Variants in TMEM181 observed in about 807,000 individuals in gnomAD.
TMEM181 encodes G protein-coupled receptor 178.
Under a neutral mutation model 71.9 loss-of-function variants are expected in TMEM181, and 39 were observed. The observed-to-expected ratio is 0.54, with a 90% confidence interval of 0.42 to 0.71. The LOEUF (loss-of-function observed/expected upper bound fraction) is 0.71. TMEM181 is among the 30% of genes least tolerant of loss of function. The probability of loss-of-function intolerance (pLI) is 0.00; values close to 1 mark genes in which losing one functional copy is unlikely to be tolerated. For missense variants in TMEM181, 595 were observed against 583.0 expected (o/e 1.02, Z -0.21); for synonymous variants, 245 against 228.8 (o/e 1.07, Z -0.64).
At chr6:158,607,056 T>C (rs1317269397) in intron 7 of TMEM181, among the ~76,000 whole-genome samples, 188 bp from the exon 8 acceptor site, 1 of 152,208 alleles carries the variant, frequency 6.6e-6, no homozygotes, top group Admixed American at 6.5e-5. Flanking sequence ...AACAACCTTG[T>C]CTTGGTTGTC....
intron 1 of TMEM181, among the ~76,000 whole-genome samples, chr6:158,548,483 T>A (rs1338084433): frequency 2.0e-5 from 3 of 152,204 alleles, no homozygotes; most frequent in Admixed American, 2.0e-4. Flanking sequence ...GGACAGGGAC[T>A]TTCAGTGCTC....
At chr6:158,611,083 G>A in intron 10 of TMEM181, 1 of 482,400 alleles carries the variant, frequency 2.1e-6, no homozygotes, top group Non-Finnish European at 4.1e-6. Flanking sequence ...GAGAGCATTT[G>A]TCAGTGACTG....
At chr6:158,571,053 C>G (rs1374035243) in intron 1 of TMEM181, among the ~76,000 whole-genome samples, 5 of 151,052 alleles carry the variant, frequency 3.3e-5, no homozygotes, top group African/African-American at 1.2e-4. Context: ...GCTGAGATTA[C>G]AGGCATGTGC....
chr6:158,562,995 A>G (rs753917781), intron 1 of TMEM181, among the ~76,000 whole-genome samples: 26 of 152,072 alleles, frequency 1.7e-4, no homozygotes, highest in Non-Finnish European at 3.5e-4. Context: ...TAGAGCCCAC[A>G]CTCCTGACTG....
At chr6:158,601,366 T>C (rs1264135259) in intron 6 of TMEM181, among the ~76,000 whole-genome samples, 2 of 151,796 alleles carry the variant, frequency 1.3e-5, no homozygotes, top group East Asian at 3.9e-4. Context: ...CTGACCAACA[T>C]AGTGAAACTT....
In TMEM181 at chr6:158,620,948, C is replaced by T. The variant is rs948606349; in HGVS notation, c.897-2602C>T. 2.6e-5 allele frequency among the ~76,000 whole-genome samples: 4 copies of T among 152,292 alleles called. No homozygotes were observed. Among genetic ancestry groups the T allele is most frequent in the South Asian group, 2.1e-4 (1 of 4,822 alleles). On this transcript the variant is annotated intron_variant, in intron 10 of 16. Coordinates refer to ENST00000684151, the MANE Select transcript of TMEM181 (RefSeq NM_001376852.1). The surrounding 1 kb of genome is among the most constrained non-coding windows in gnomAD (Gnocchi z 4.5). ...AAGTTAGGTCAGAGGCACTCTCTTACGGGCTAAGAGTATTTAAGCGTTCAG... is the reference window on the plus strand; with the variant it reads ...AAGTTAGGTCAGAGGCACTCTCTTATGGGCTAAGAGTATTTAAGCGTTCAG...
rs775872254 is a variant in TMEM181 at position 158,569,349 on chromosome 6, C to G, written c.9-4071C>G. The stretch of plus-strand genomic sequence containing the variant: ...CGGAAGCCAGGGCCTGGCGCCCACC[C>G]TCTCACCCACGAGCCTGTTGCAGCA... On this transcript the variant is annotated intron_variant, in intron 1 of 16. Transcript: ENST00000684151. Among the ~76,000 whole-genome samples the G allele has an allele frequency of 2.0e-5, 3 of 152,216 alleles. No individual in the cohort carries two copies. In the South Asian group the frequency reaches 6.2e-4, roughly 31 times the overall value.
chr6:158,537,504 G>A (rs930585807), intron 1 of TMEM181, among the ~76,000 whole-genome samples: 31 of 152,260 alleles, frequency 2.0e-4, no homozygotes, highest in African/African-American at 5.3e-4. Flanking sequence ...GAGAGCGGTG[G>A]GGACTGCAGA....
chr6:158,583,076 T>C (rs931432473), intron 3 of TMEM181, among the ~76,000 whole-genome samples: 3 of 151,860 alleles, frequency 2.0e-5, no homozygotes, highest in Admixed American at 6.6e-5. Flanking sequence ...CTACTAGAAA[T>C]AGAAAAATTA....
chr6:158,592,180 C>T lies in TMEM181; in HGVS notation c.492+2398C>T, dbSNP rs192672209. On this transcript the variant is annotated intron_variant, in intron 6 of 16. Coordinates refer to ENST00000684151, the MANE Select transcript of TMEM181 (RefSeq NM_001376852.1). ...CCCCAGCAGCCAGCATAGGGCCCAG[C>T]AGCTGCTAGGCTTGCAATAGATATG... is the stretch of plus-strand genomic sequence containing the variant. Among the ~76,000 whole-genome samples the T allele has an allele frequency of 1.8e-3, 276 of 152,312 alleles. 1 individual carries two copies. Among genetic ancestry groups the T allele is most frequent in the Middle Eastern group, 3.4e-3 (1 of 294 alleles).
At chr6:158,619,504 T>TCA (rs1158454579) in intron 10 of TMEM181, among the ~76,000 whole-genome samples, 9 of 152,194 alleles carry the variant, frequency 5.9e-5, no homozygotes, top group African/African-American at 2.2e-4. Flanking sequence ...TGTCAACTCG[T>TCA]CAAAGTCATT....
At chr6:158,584,413 G>A (rs950268985) in intron 4 of TMEM181, among the ~76,000 whole-genome samples, 3 of 152,218 alleles carry the variant, frequency 2.0e-5, no homozygotes, top group Admixed American at 2.0e-4. Context: ...CGTCACACAC[G>A]GAGAGGAGGA....
chr6:158,601,758 GAAAA>G (rs796451394), intron 6 of TMEM181, among the ~76,000 whole-genome samples: 132 of 96,074 alleles, frequency 1.4e-3, no homozygotes, highest in Non-Finnish European at 1.9e-3. Context: ...GACTGTCTCA[GAAAA>G]AAAAAAAAAA....
chr6:158,546,550 A>T (rs1260119615), intron 1 of TMEM181, among the ~76,000 whole-genome samples: 1 of 152,248 alleles, frequency 6.6e-6, no homozygotes, highest in Admixed American at 6.5e-5. Flanking sequence ...AACCCCAGGA[A>T]GGAGCTGATG....
intron 10 of TMEM181, chr6:158,610,600 T>G (rs1785241390): frequency 5.1e-6 from 2 of 389,840 alleles, no homozygotes; most frequent in Non-Finnish European, 8.8e-6. Context: ...ATGTTCTTCT[T>G]TGCTTCACCT....
intron 5 of TMEM181, among the ~76,000 whole-genome samples, chr6:158,589,104 A>G (rs999181788): frequency 2.0e-5 from 3 of 152,238 alleles, no homozygotes; most frequent in African/African-American, 7.2e-5. Context: ...ACAGTGGAGC[A>G]CACGTATCCT....
chr6:158,631,117 C>T (rs180853813), intron 15 of TMEM181, among the ~76,000 whole-genome samples: 144 of 152,356 alleles, frequency 9.5e-4, no homozygotes, highest in Non-Finnish European at 1.7e-3. Flanking sequence ...GCCTTCAGGA[C>T]GTCCCTGCCA....
chr6:158,549,564 CAA>C (rs750560454), intron 1 of TMEM181, among the ~76,000 whole-genome samples: 11 of 152,180 alleles, frequency 7.2e-5, no homozygotes, highest in Admixed American at 3.9e-4. Context: ...AAATAACAAA[CAA>C]GAGAGCGGCT....
intron 10 of TMEM181, chr6:158,609,879 T>A: frequency 8.5e-6 from 2 of 236,488 alleles, no homozygotes; most frequent in Non-Finnish European, 1.9e-5. Context: ...TCCGTTTCCA[T>A]GATGATTCTC....
Sources: allele counts gnomAD v4.1 joint callset (sites outside exome capture counted in the v4.1 genomes callset), GRCh38; gene constraint gnomAD v4.1.1; non-coding constraint Gnocchi (gnomAD v3.1); transcripts MANE v1.5; gene names NCBI Gene and HGNC (gene_info 2026-07-23, HGNC 2026-07-21).